Variants in JAK1 observed in about 807,000 individuals in gnomAD.
JAK1 encodes tyrosine-protein kinase JAK1.
In JAK1, 16 loss-of-function variants were observed where a neutral mutation model predicts 136.6. The ratio of observed to expected loss-of-function variants is 0.12; its 90% CI spans 0.08 to 0.18. JAK1 has a LOEUF of 0.18. Ranked by LOEUF, JAK1 falls within the 10% of genes least tolerant of loss-of-function variation. The pLI is 1.00. For synonymous variants in JAK1, 492 were observed against 519.5 expected (o/e 0.95, Z 0.72); for missense variants, 859 against 1,450.1 (o/e 0.59, Z 6.62).
intron 21 of JAK1, 81 bp downstream of exon 21, chr1:64,838,384 C>A: frequency 7.0e-7 from 1 of 1,433,558 alleles, no homozygotes; most frequent in South Asian, 1.3e-5. Flanking sequence ...AACTTACCCA[C>A]TTAGAGTCAA....
rs78914748 is a variant in JAK1 at position 64,912,709 on chromosome 1, C to T, written c.-77-26368G>A. On this transcript the variant is annotated intron_variant, in intron 1 of 24. Transcript: ENST00000342505. ...TTGCCAAGGTCATACTGCTGGGAAG[C>T]GGCAGAACAACAAAAAAAGGTCCAT... Among the ~76,000 whole-genome samples, 10 of 152,212 alleles carry T rather than the reference C, an allele frequency of 6.6e-5. No homozygotes were observed. The South Asian group carries it at 8.3e-4, about 13-fold the overall frequency.
At chr1:65,035,924 C>T (rs566400721) in intron 2 of JAK1, among the ~76,000 whole-genome samples, 6 of 152,022 alleles carry the variant, frequency 3.9e-5, no homozygotes, top group African/African-American at 7.2e-5. Flanking sequence ...AAAAATTATC[C>T]GGGTGTGGTA....
chr1:64,987,822 A>C (rs948448408), intron 2 of JAK1: 3 of 152,220 alleles, frequency 2.0e-5, no homozygotes, highest in African/African-American at 7.2e-5. Context: ...GGGATGTGAA[A>C]TGTTGTTCTC....
intron 2 of JAK1, among the ~76,000 whole-genome samples, chr1:65,035,677 T>C (rs1380131766): frequency 1.3e-5 from 2 of 152,194 alleles, no homozygotes; most frequent in African/African-American, 4.8e-5. Flanking sequence ...TTGGAGTGCC[T>C]ACCCACCCTG....
At chr1:64,878,733 A>C (rs1644721891) in intron 4 of JAK1, among the ~76,000 whole-genome samples, 1 of 151,930 alleles carries the variant, frequency 6.6e-6, no homozygotes, top group Non-Finnish European at 1.5e-5. Flanking sequence ...TTAAATTCAT[A>C]ACTATGATTA....
At chr1:64,986,359 G>A (rs916636608) in intron 2 of JAK1, among the ~76,000 whole-genome samples, 1 of 151,928 alleles carries the variant, frequency 6.6e-6, no homozygotes, top group African/African-American at 2.4e-5. Context: ...CACCCACCTC[G>A]GCCTCCCAAA....
At chr1:64,979,254 G>T (rs1646522759) in intron 2 of JAK1, among the ~76,000 whole-genome samples, 1 of 152,120 alleles carries the variant, frequency 6.6e-6, no homozygotes, top group African/African-American at 2.4e-5. Flanking sequence ...ATAAAAATTA[G>T]CCATGTACAA....
chr1:64,941,848 T>A (rs181149384), intron 1 of JAK1: 1 of 152,306 alleles, frequency 6.6e-6, no homozygotes, highest in Non-Finnish European at 1.5e-5. Flanking sequence ...GACTTTCCAG[T>A]GTTCTCTAGG....
intron 1 of JAK1, among the ~76,000 whole-genome samples, chr1:65,058,197 A>G (rs1228716456): frequency 6.6e-6 from 1 of 152,144 alleles, no homozygotes; most frequent in African/African-American, 2.4e-5. Flanking sequence ...CAGTCTCCTA[A>G]AGGTTCCAAA....
chr1:65,031,930 A>T (rs1290465983), intron 2 of JAK1, among the ~76,000 whole-genome samples: 1 of 150,420 alleles, frequency 6.6e-6, no homozygotes, highest in Non-Finnish European at 1.5e-5. Flanking sequence ...ATGTTAACCT[A>T]GGGGCTGGAA....
intron 2 of JAK1, among the ~76,000 whole-genome samples, chr1:65,024,151 A>G (rs1646959017): frequency 6.6e-6 from 1 of 151,938 alleles, no homozygotes. Flanking sequence ...ATAGCTGGTA[A>G]CTCTATGTTT....
At chr1:65,017,278 A>G (rs1345290176) in intron 2 of JAK1, among the ~76,000 whole-genome samples, 1 of 152,044 alleles carries the variant, frequency 6.6e-6, no homozygotes, top group African/African-American at 2.4e-5. Context: ...AGACCAGCCT[A>G]GCCAACATGG....
intron 1 of JAK1, among the ~76,000 whole-genome samples, chr1:64,961,266 C>G (rs1351980489): frequency 6.6e-6 from 1 of 152,130 alleles, no homozygotes; most frequent in Non-Finnish European, 1.5e-5. Context: ...TGGCTCGAAG[C>G]CTTTCTTGTT....
At position 64,891,681 on chromosome 1, in the gene JAK1, A is replaced by G. The variant is rs1644938794; in HGVS notation, c.-77-5340T>C. 2.0e-5 allele frequency among the ~76,000 whole-genome samples: 3 copies of G among 152,246 alleles called. No homozygotes were observed. In the South Asian group the frequency reaches 6.2e-4, roughly 32 times the overall value. On this transcript the variant is annotated intron_variant, in intron 1 of 24. Transcript: ENST00000342505. ...CTACTGGGACCCCACTGCTATGCTGAGACGTGGAATAACAGTTCTGATGAA... is the reference window on the plus strand; with the variant it reads ...CTACTGGGACCCCACTGCTATGCTGGGACGTGGAATAACAGTTCTGATGAA...
At chr1:64,901,099 G>A (rs1013235581) in intron 1 of JAK1, among the ~76,000 whole-genome samples, 6 of 152,188 alleles carry the variant, frequency 3.9e-5, no homozygotes, top group Admixed American at 1.3e-4. Flanking sequence ...CCTGAGGGCA[G>A]GGACTGCAGC....
upstream of JAK1, among the ~76,000 whole-genome samples, chr1:64,971,293 A>C (rs1296308909): frequency 1.3e-5 from 2 of 152,214 alleles, no homozygotes; most frequent in African/African-American, 4.8e-5. Context: ...CCTTAAACTT[A>C]ATTGTAATTC....
At chr1:64,934,561 G>A (rs1645755628) in intron 1 of JAK1, among the ~76,000 whole-genome samples, 1 of 152,188 alleles carries the variant, frequency 6.6e-6, no homozygotes, top group South Asian at 2.1e-4. Context: ...TCGGGTTGTG[G>A]ACCCACAAGA....
At chr1:65,027,666 G>T (rs1221296831) in intron 2 of JAK1, among the ~76,000 whole-genome samples, 2 of 152,156 alleles carry the variant, frequency 1.3e-5, no homozygotes, top group African/African-American at 4.8e-5. Flanking sequence ...AAGGATGATT[G>T]TGTGGGTGAA....
intron 4 of JAK1, among the ~76,000 whole-genome samples, chr1:64,874,963 C>A (rs986016568): frequency 2.6e-5 from 4 of 152,152 alleles, no homozygotes; most frequent in African/African-American, 9.7e-5. Context: ...CAATGGGGCA[C>A]GTATCACAAG....
Sources: allele counts gnomAD v4.1 joint callset (sites outside exome capture counted in the v4.1 genomes callset), GRCh38; gene constraint gnomAD v4.1.1; transcripts MANE v1.5; gene names NCBI Gene and HGNC (gene_info 2026-07-23, HGNC 2026-07-21).